The following LMLN variants were observed in gnomAD, a reference collection of about 807,000 sequenced individuals.
The protein encoded by LMLN is leishmanolysin like peptidase.
A neutral mutation model predicts 92.3 loss-of-function variants in LMLN; 70 were observed. The observed-to-expected ratio is 0.76, with a 90% CI of 0.63 to 0.92. LMLN has a LOEUF of 0.92. LMLN is among the 40% of genes least tolerant of loss of function. LMLN has a pLI of 0.00. For synonymous variants in LMLN, 308 were observed against 296.2 expected, an observed-to-expected ratio of 1.04 and a Z score of -0.41; for missense variants, 691 against 814.6, an observed-to-expected ratio of 0.85 and a Z score of 1.85.
chr3:197,974,685 A>G (rs780533722), intron 2 of LMLN, among the ~76,000 whole-genome samples: 18 of 152,222 alleles, frequency 1.2e-4, no homozygotes, highest in Non-Finnish European at 2.4e-4. Flanking sequence ...TTCTTTTACC[A>G]TCTTCCTTTC....
intron 7 of LMLN, among the ~76,000 whole-genome samples, chr3:197,985,282 G>A (rs577956306): frequency 1.3e-4 from 20 of 151,930 alleles, no homozygotes; most frequent in Admixed American, 9.2e-4. Flanking sequence ...GGCCGGGCGC[G>A]GTGGCTCTCG....
chr3:197,977,431 CT>C (rs558374695), intron 5 of LMLN, among the ~76,000 whole-genome samples: 48 of 151,500 alleles, frequency 3.2e-4, no homozygotes, highest in African/African-American at 1.1e-3. Context: ...CATGTTAAAC[CT>C]GGATACATAA....
intron 6 of LMLN, among the ~76,000 whole-genome samples, 183 bp from the exon 7 acceptor site, chr3:197,983,760 T>C (rs1304951380): frequency 6.6e-6 from 1 of 152,182 alleles, no homozygotes; most frequent in Non-Finnish European, 1.5e-5. Context: ...AAACAGGGGT[T>C]GATTTGCCAT....
chr3:198,030,369 G>A (rs79944174), intron 14 of LMLN, among the ~76,000 whole-genome samples: 4,272 of 152,186 alleles, frequency 0.028, 82 homozygotes, highest in Non-Finnish European at 0.045. Flanking sequence ...CAGACGTGGC[G>A]CCTGGTAGCA....
At chr3:197,970,111 C>T (rs962012325) in intron 1 of LMLN, among the ~76,000 whole-genome samples, 1 of 151,988 alleles carries the variant, frequency 6.6e-6, no homozygotes, top group African/African-American at 2.4e-5. Flanking sequence ...AAGATTGTAC[C>T]ACTGCACTCC....
chr3:197,986,844 CT>C (rs749444175), intron 8 of LMLN, among the ~76,000 whole-genome samples: 10,272 of 133,556 alleles, frequency 0.077, 367 homozygotes, highest in African/African-American at 0.12. Flanking sequence ...AATTTTTTTT[CT>C]TTTTTTTTTT....
intron 8 of LMLN, among the ~76,000 whole-genome samples, chr3:197,987,438 C>T (rs1275514578): frequency 5.9e-5 from 9 of 152,092 alleles, no homozygotes; most frequent in Non-Finnish European, 1.5e-5. Context: ...GGATTACAGG[C>T]GTGAGCCACC....
rs1419152784 is a variant in LMLN at position 198,012,546 on chromosome 3, G to A, written c.1233-6707G>A. 2.0e-5 allele frequency among the ~76,000 whole-genome samples: 3 copies of A among 152,144 alleles called. No homozygotes were observed. The East Asian group carries it at 5.8e-4, about 29-fold the overall frequency. ...TAGTCTGACTTCTCTCCACCCTTCAGAGCCCCCTAACTAGTCTGACTTCTC... is the reference window on the plus strand; with the variant it reads ...TAGTCTGACTTCTCTCCACCCTTCAAAGCCCCCTAACTAGTCTGACTTCTC... On this transcript the variant is annotated intron_variant, in intron 11 of 15. Coordinates refer to ENST00000330198, the Ensembl canonical transcript of LMLN.
chr3:197,965,742 C>T (rs1007480885), intron 1 of LMLN, among the ~76,000 whole-genome samples: 7 of 152,072 alleles, frequency 4.6e-5, no homozygotes, highest in African/African-American at 1.2e-4. Context: ...AGTGAAACCC[C>T]GTGTCTACAA....
rs879580862 is a variant in LMLN at position 197,986,756 on chromosome 3, T to TACAAAAAA, written c.929+867_929+868insCAAAAAAA. Reference sequence around the variant, plus strand: ...CGTGATAACAAATACAACAAAATGTTAATTACAGAATCTAGGTGAGCTGGT... The same window carrying TACAAAAAA: ...CGTGATAACAAATACAACAAAATGTTACAAAAAAAATTACAGAATCTAGGTGAGCTGGT... On this transcript the variant is annotated intron_variant, in intron 8 of 15. Coordinates refer to ENST00000330198, the Ensembl canonical transcript of LMLN. Among the ~76,000 whole-genome samples, 321 of 152,258 alleles carry TACAAAAAA rather than the reference T, an allele frequency of 2.1e-3. 3 individuals are homozygous for TACAAAAAA. The highest frequency in any genetic ancestry group is 1.2e-3 in the Non-Finnish European group (79 of 68,010).
intron 12 of LMLN, among the ~76,000 whole-genome samples, chr3:198,020,768 A>ATTTTTTTTT (rs71166715): frequency 0.028 from 913 of 32,794 alleles, 74 homozygotes; most frequent in Middle Eastern, 0.056. Flanking sequence ...TAATTTTTGT[A>ATTTTTTTTT]TTTTTTTTTT....
rs1553825563 is a variant in LMLN at position 198,025,290 on chromosome 3, T to TTAAA, written c.1656+502_1656+503insTAAA. Among the ~76,000 whole-genome samples, 5 of 151,846 alleles carry TTAAA rather than the reference T, an allele frequency of 3.3e-5. No homozygotes were observed. In the East Asian group the frequency reaches 9.7e-4, roughly 29 times the overall value. ...TCTCCAAAAAATAAAGGAAAAAGAA[T>TTAAA]AAATCAGTTGCTGATTAATAATAGA... is the stretch of plus-strand genomic sequence containing the variant. On this transcript the variant is annotated intron_variant, in intron 14 of 15. Coordinates refer to ENST00000330198, the Ensembl canonical transcript of LMLN. This position sits in a 1 kb window ranked among gnomAD's most constrained non-coding sequence, Gnocchi z 4.3.
In LMLN at chr3:197,974,473, G is replaced by T; in HGVS notation, c.316G>T (p.Glu106Ter). ...GACTGTCTATGATAAAAGTGTTGAA[G>T]AGTAAGTACACCATTGTATTGTCAT... Residue 106 changes from glutamate (E) to a stop codon, truncating the protein, a stop_gained and splice_region_variant, in exon 2 of 16, where the codon GAG becomes TAG. Transcript: ENST00000330198. LOFTEE classifies it high-confidence loss of function. 7.0e-7 allele frequency: 1 copy of T among 1,427,206 alleles called. No homozygotes were observed. The highest frequency in any genetic ancestry group is 1.2e-5 in the South Asian group (1 of 81,312). 88.4% of individuals were successfully genotyped at this position (1,427,206 alleles called of 1,614,324 possible). A position where few individuals can be genotyped will look rare whatever the true frequency, so the allele number is the denominator to read the frequency against.
exon 13 of LMLN, chr3:198,021,447 A>T: frequency 6.2e-7 from 1 of 1,613,404 alleles, no homozygotes; most frequent in Non-Finnish European, 8.5e-7. Context: ...TTTCTGCAGT[A>T]CTTTGATGAA....
intron 8 of LMLN, among the ~76,000 whole-genome samples, chr3:197,987,770 G>T (rs562556666): frequency 2.6e-4 from 39 of 152,118 alleles, no homozygotes; most frequent in African/African-American, 9.2e-4. Flanking sequence ...TTTTTAAAAG[G>T]TATAGCAAAG....
chr3:198,038,920 CCTCGTCAGCAACCCAACCA>C (rs2109964010), exon 16 of LMLN: 1 of 343,396 alleles, frequency 2.9e-6, no homozygotes, highest in Non-Finnish European at 5.4e-6. Context: ...AACCCAACCA[CCTCGTCAGCAACCCAACCA>C]CCTCGTCAGC....
At chr3:197,976,188 G>A (rs1721375152) in intron 4 of LMLN, 77 bp downstream of exon 4, 2 of 824,570 alleles carry the variant, frequency 2.4e-6, no homozygotes, top group Non-Finnish European at 3.9e-6. Context: ...ACATGGCAAG[G>A]TATGAAACTT....
exon 1 of LMLN, chr3:197,960,280 C>T: frequency 5.0e-6 from 8 of 1,613,612 alleles, no homozygotes; most frequent in South Asian, 1.1e-5. Context: ...GTGGGTTACT[C>T]GGGCTCAGGC....
chr3:198,011,073 A>G (rs75700216), intron 11 of LMLN, among the ~76,000 whole-genome samples: 232 of 152,150 alleles, frequency 1.5e-3, no homozygotes, highest in African/African-American at 5.1e-3. Context: ...AAATTTGTTC[A>G]GGTTTGTTTT....
Sources: allele counts gnomAD v4.1 joint callset (sites outside exome capture counted in the v4.1 genomes callset), GRCh38; gene constraint gnomAD v4.1.1; non-coding constraint Gnocchi (gnomAD v3.1); transcripts MANE v1.5; gene names NCBI Gene and HGNC (gene_info 2026-07-23, HGNC 2026-07-21).